The following MINPP1 variants were observed in gnomAD, a reference collection of about 807,000 sequenced individuals.
MINPP1 encodes the protein multiple inositol-polyphosphate phosphatase 1, also known as multiple inositol polyphosphate phosphatase 1.
In MINPP1, 28 loss-of-function variants were observed where a neutral mutation model predicts 46.1. The observed-to-expected ratio is 0.61, with a 90% CI of 0.45 to 0.83. The LOEUF is 0.83. Among genes scored for constraint, MINPP1 ranks in the 40% least tolerant of loss-of-function variants. The probability of loss-of-function intolerance (pLI) is 0.00; values close to 1 mark genes in which losing one functional copy is unlikely to be tolerated. For missense variants in MINPP1, 603 were observed against 610.0 expected, an observed-to-expected ratio of 0.99 and a Z score of 0.12; for synonymous variants, 268 against 249.1, an observed-to-expected ratio of 1.08 and a Z score of -0.72.
At chr10:87,509,354 A>G (rs1225214452) in intron 2 of MINPP1, among the ~76,000 whole-genome samples, 1 of 152,220 alleles carries the variant, frequency 6.6e-6, no homozygotes, top group East Asian at 1.9e-4. Context: ...GATGCTTTAT[A>G]AGGATCAAAA....
At chr10:87,533,806 C>A (rs537984167) in intron 4 of MINPP1, among the ~76,000 whole-genome samples, 1 of 151,890 alleles carries the variant, frequency 6.6e-6, no homozygotes, top group Admixed American at 6.6e-5. Context: ...CATATTTTAA[C>A]GTAAGATGGC....
At chr10:87,525,705 C>T (rs1851566797) in intron 4 of MINPP1, among the ~76,000 whole-genome samples, 1 of 152,198 alleles carries the variant, frequency 6.6e-6, no homozygotes, top group Non-Finnish European at 1.5e-5. Flanking sequence ...CCTCCCCCTA[C>T]CCCACGACAG....
chr10:87,515,776 T>C (rs2131808755), intron 3 of MINPP1, among the ~76,000 whole-genome samples: 2 of 152,166 alleles, frequency 1.3e-5, no homozygotes, highest in Middle Eastern at 3.4e-3. Flanking sequence ...AGGTTCGTTA[T>C]ACTACTGTTT....
rs1851220209 is a variant in MINPP1, at chr10:87,505,110, GGCTCCGTGGCGGGACCCTGAGCT to G, written c.199_221del (p.Pro67GlyfsTer46). 6.2e-7 allele frequency: 1 copy of G among 1,613,182 alleles called. No homozygotes were observed. Among genetic ancestry groups the G allele is most frequent in the Non-Finnish European group, 8.5e-7 (1 of 1,179,820 alleles). ...ACCCCGTGCTATTGTCGGGCCCCGA[GGCTCCGTGGCGGGACCCTGAGCT>G]GCTGGAGGGGACCTGCACCCCGGTG... On this transcript the variant is annotated frameshift_variant, in exon 1 of 5. Transcript: ENST00000371996. LOFTEE classifies it high-confidence loss of function. The surrounding 1 kb of genome is among the most constrained non-coding windows in gnomAD (Gnocchi z 4.4).
At chr10:87,508,670 A>G (rs988563749) in intron 2 of MINPP1, 137 bp downstream of exon 2, 1 of 828,136 alleles carries the variant, frequency 1.2e-6, no homozygotes, top group Non-Finnish European at 1.9e-6. Flanking sequence ...TTCTGGGTCA[A>G]AAAAATTGTA....
intron 4 of MINPP1, among the ~76,000 whole-genome samples, chr10:87,541,781 C>A (rs1851818860): frequency 6.6e-6 from 1 of 152,284 alleles, no homozygotes; most frequent in South Asian, 2.1e-4. Context: ...AGGTCCCAGG[C>A]TTCTTTACAC....
intron 3 of MINPP1, among the ~76,000 whole-genome samples, chr10:87,513,791 C>T (rs1489510294): frequency 6.6e-6 from 1 of 152,078 alleles, no homozygotes; most frequent in Non-Finnish European, 1.5e-5. Context: ...TGGCTTAAAA[C>T]AATATAAGTT....
intron 4 of MINPP1, among the ~76,000 whole-genome samples, chr10:87,530,478 C>T (rs2131825417): frequency 6.6e-6 from 1 of 152,308 alleles, no homozygotes; most frequent in South Asian, 2.1e-4. Context: ...TGGAGGTCCA[C>T]TCCAGACCCT....
At chr10:87,542,078 C>T (rs1316369552) in intron 4 of MINPP1, among the ~76,000 whole-genome samples, 3 of 152,156 alleles carry the variant, frequency 2.0e-5, no homozygotes, top group Non-Finnish European at 2.9e-5. Flanking sequence ...ACTCAAAAGT[C>T]CCAAGTCTGA....
Position 87,552,547 on chromosome 10 carries a change from C to A in MINPP1, c.*69C>A. 1 of 1,459,202 alleles carries A rather than the reference C, an allele frequency of 6.9e-7. No individual in the cohort carries two copies. The highest frequency in any genetic ancestry group is 1.2e-5 in the South Asian group (1 of 85,770). 90.4% of individuals were successfully genotyped at this position (1,459,202 alleles called of 1,614,324 possible). A position where few individuals can be genotyped will look rare whatever the true frequency, so the allele number is the denominator to read the frequency against. On this transcript the variant is annotated 3_prime_UTR_variant, in exon 5 of 5. Transcript: ENST00000371996. ...TGATTACATGCTTGTAATAGGTAGG[C>A]AATTCCTTGATTACAGGAAGCTTTT...
intron 4 of MINPP1, among the ~76,000 whole-genome samples, chr10:87,539,745 CA>C (rs970243029): frequency 2.0e-5 from 3 of 152,234 alleles, no homozygotes; most frequent in African/African-American, 7.2e-5. Flanking sequence ...TACGAAGTTC[CA>C]TTTTCTTAGA....
intron 4 of MINPP1, among the ~76,000 whole-genome samples, chr10:87,526,469 T>C (rs1191732905): frequency 6.6e-6 from 1 of 152,196 alleles, no homozygotes; most frequent in Non-Finnish European, 1.5e-5. Flanking sequence ...GGGTAGATTG[T>C]AAAAATTTTC....
intron 4 of MINPP1, among the ~76,000 whole-genome samples, chr10:87,547,597 A>G (rs183512792): frequency 4.0e-4 from 61 of 152,262 alleles, no homozygotes; most frequent in African/African-American, 1.4e-3. Context: ...TTGCATTTGG[A>G]TCTTTAGCAC....
intron 1 of MINPP1, among the ~76,000 whole-genome samples, chr10:87,506,782 C>G (rs1851258459): frequency 6.6e-6 from 1 of 152,108 alleles, no homozygotes; most frequent in Non-Finnish European, 1.5e-5. Context: ...TAGAAGTAGG[C>G]TGGTTTGTAA....
intron 4 of MINPP1, among the ~76,000 whole-genome samples, chr10:87,539,423 G>A (rs1589383396): frequency 6.6e-6 from 1 of 152,202 alleles, no homozygotes; most frequent in Admixed American, 6.5e-5. Context: ...TCATTACAAT[G>A]TAATGGGGGA....
At chr10:87,544,486 T>C (rs1185413211) in intron 4 of MINPP1, among the ~76,000 whole-genome samples, 4 of 152,102 alleles carry the variant, frequency 2.6e-5, no homozygotes. Flanking sequence ...TTCCCTGAGG[T>C]TGAGGGATGG....
Position 87,532,061 on chromosome 10 carries a change from T to A in MINPP1, c.1067+10892T>A, listed in dbSNP as rs1851667901. Among the ~76,000 whole-genome samples, 3 of 152,190 alleles carry A rather than the reference T, an allele frequency of 2.0e-5. No individual in the cohort carries two copies. The South Asian group carries it at 6.2e-4, about 32-fold the overall frequency. ...GTGATAGTTCTCTGGCCCAAACATG[T>A]CCTTAATGTCTTTTTCAGATATTCA... On this transcript the variant is annotated intron_variant, in intron 4 of 4. Transcript: ENST00000371996.
At chr10:87,521,253 AAAT>A (rs1462810724) in intron 4 of MINPP1, 84 bp downstream of exon 4, 12 of 1,133,670 alleles carry the variant, frequency 1.1e-5, no homozygotes, top group Non-Finnish European at 1.6e-5. Flanking sequence ...TAATTTTAAA[AAAT>A]AGTTTTTGCT....
At chr10:87,518,187 C>T (rs967785695) in intron 3 of MINPP1, among the ~76,000 whole-genome samples, 1 of 151,200 alleles carries the variant, frequency 6.6e-6, no homozygotes, top group African/African-American at 2.4e-5. Context: ...TCTCGATCTC[C>T]TGACCTCGCA....
Sources: allele counts gnomAD v4.1 joint callset (sites outside exome capture counted in the v4.1 genomes callset), GRCh38; gene constraint gnomAD v4.1.1; non-coding constraint Gnocchi (gnomAD v3.1); transcripts MANE v1.5; gene names NCBI Gene and HGNC (gene_info 2026-07-23, HGNC 2026-07-21).